Variants in PRDM16 observed in about 807,000 individuals in gnomAD.
PRDM16 encodes the protein histone-lysine N-methyltransferase PRDM16.
Under a neutral mutation model 110.6 loss-of-function variants are expected in PRDM16, and 23 were observed. The observed-to-expected ratio is 0.21, with a 90% CI of 0.15 to 0.29. The LOEUF is 0.29. PRDM16 is among the 10% of genes least tolerant of loss of function. PRDM16 has a pLI of 1.00. For synonymous variants in PRDM16, 799 were observed against 781.8 expected, an observed-to-expected ratio of 1.02 and a Z score of -0.37; for missense variants, 1,615 against 1,794.3, an observed-to-expected ratio of 0.90 and a Z score of 1.81.
At chr1:3,114,673 T>C (rs1569590991) in intron 1 of PRDM16, among the ~76,000 whole-genome samples, 1 of 150,784 alleles carries the variant, frequency 6.6e-6, no homozygotes, top group African/African-American at 2.4e-5. Flanking sequence ...CAAACACACA[T>C]GCACACATGC....
chr1:3,097,422 G>A (rs1259529415), intron 1 of PRDM16, among the ~76,000 whole-genome samples: 1 of 152,240 alleles, frequency 6.6e-6, no homozygotes, highest in African/African-American at 2.4e-5. Flanking sequence ...ACAGTGGCCA[G>A]GCTGCCGCCC....
intron 14 of PRDM16, among the ~76,000 whole-genome samples, chr1:3,428,678 G>T (rs61759213): frequency 6.6e-6 from 1 of 152,194 alleles, no homozygotes; most frequent in Non-Finnish European, 1.5e-5. Context: ...CCTGCCCTCC[G>T]CCATCAGGAA....
chr1:3,289,923 C>A (rs1268635228), intron 3 of PRDM16, among the ~76,000 whole-genome samples: 4 of 151,638 alleles, frequency 2.6e-5, no homozygotes, highest in Admixed American at 2.6e-4. Context: ...GTGCCAGGAT[C>A]TCACTCAATC....
At chr1:3,136,641 C>T (rs1643445342) in intron 1 of PRDM16, among the ~76,000 whole-genome samples, 1 of 152,188 alleles carries the variant, frequency 6.6e-6, no homozygotes. Context: ...CTCTTGCCCT[C>T]AATTCTGGCT....
At chr1:3,399,479 C>T (rs1341004932) in intron 5 of PRDM16, among the ~76,000 whole-genome samples, 1 of 152,168 alleles carries the variant, frequency 6.6e-6, no homozygotes, top group South Asian at 2.1e-4. Context: ...GCCGGGAGAC[C>T]TGTCCATACC....
intron 2 of PRDM16, among the ~76,000 whole-genome samples, chr1:3,217,795 G>A (rs1639064388): frequency 6.6e-6 from 1 of 152,114 alleles, no homozygotes; most frequent in South Asian, 2.1e-4. Context: ...TTCATTTTGG[G>A]CTGGCTGGGA....
At chr1:3,099,998 C>T (rs374881415) in intron 1 of PRDM16, among the ~76,000 whole-genome samples, 4 of 152,096 alleles carry the variant, frequency 2.6e-5, no homozygotes, top group Admixed American at 2.0e-4. Flanking sequence ...CCACTGGGCT[C>T]GGCACCCCTG....
At chr1:3,273,528 C>A (rs1248547749) in intron 3 of PRDM16, among the ~76,000 whole-genome samples, 1 of 151,518 alleles carries the variant, frequency 6.6e-6, no homozygotes. Flanking sequence ...CATGTGTGTA[C>A]GTGGGTGGGT....
At chr1:3,401,417 C>T (rs1417212111) in intron 5 of PRDM16, among the ~76,000 whole-genome samples, 3 of 152,218 alleles carry the variant, frequency 2.0e-5, no homozygotes, top group African/African-American at 2.4e-5. Flanking sequence ...TCCTCGTGCA[C>T]GTGCATACAC....
chr1:3,412,213 C>G lies in PRDM16; in HGVS notation c.2016C>G (p.His672Gln). 2 of 1,606,770 alleles carry G rather than the reference C, an allele frequency of 1.2e-6. No individual in the cohort carries two copies. Among genetic ancestry groups the G allele is most frequent in the Non-Finnish European group, 1.7e-6 (2 of 1,174,964 alleles). Residue 672 changes from histidine (H) to glutamine (Q), a missense_variant, in exon 9 of 17, where the codon CAC becomes CAG. Physicochemically the swap from His to Gln is conservative, Grantham distance 24. Transcript: ENST00000270722. ...VAEVPVFYSQHSFFPPPDEQL... is the reference protein window; with the variant it reads ...VAEVPVFYSQQSFFPPPDEQL... ...AGGTGCCTGTCTTCTATTCCCAGCACTCATTCTTCCCGCCACCCGACGAGC... is the reference window on the plus strand; with the variant it reads ...AGGTGCCTGTCTTCTATTCCCAGCAGTCATTCTTCCCGCCACCCGACGAGC...
intron 4 of PRDM16, among the ~76,000 whole-genome samples, chr1:3,388,331 G>A (rs1052383822): frequency 6.6e-6 from 1 of 151,602 alleles, no homozygotes; most frequent in African/African-American, 2.4e-5. Context: ...TTTCAAGATT[G>A]CACACACACC....
rs779816950 is a variant in PRDM16, at chr1:3,321,436, ATG to A, written c.439-63712_439-63711del. ...TGTATGCATTTGTGTGTGGGTGCAC[ATG>A]TGTTTGTGTTTGTGGGGGGCACATG... On this transcript the variant is annotated intron_variant, in intron 3 of 16. Coordinates refer to ENST00000270722, the MANE Select transcript of PRDM16 (RefSeq NM_022114.4). 3.4e-4 allele frequency among the ~76,000 whole-genome samples: 50 copies of A among 148,222 alleles called. No homozygotes were observed. The South Asian group carries it at 8.2e-3, about 24-fold the overall frequency.
Position 3,405,533 on chromosome 1 carries a change from C to T in PRDM16, c.1071C>T (p.Arg357=), listed in dbSNP as rs2483221. ...CCAGCAACCTTCAGCGGCACATCCGCTCGCAGCACGTGGGCGCTCGGGCCC... is the reference window on the plus strand; with the variant it reads ...CCAGCAACCTTCAGCGGCACATCCGTTCGCAGCACGTGGGCGCTCGGGCCC... The part of the protein sequence containing the change: ...TDPSNLQRHI[R]SQHVGARAHA... Residue 357 remains arginine (R), a synonymous_variant, in exon 8 of 17, where the codon CGC becomes CGT. Transcript: ENST00000270722. 1.7e-3 allele frequency: 2,779 copies of T among 1,603,902 alleles called. 52 individuals are homozygous for T. The African/African-American group carries it at 0.028, about 16-fold the overall frequency.
rs896312353 is a variant in PRDM16, at chr1:3,244,707, C to T, written c.438+570C>T. On this transcript the variant is annotated intron_variant, in intron 3 of 16. Transcript: ENST00000270722. This position sits in a 1 kb window ranked among gnomAD's most constrained non-coding sequence, Gnocchi z 4.1. ...AGGTCTAACAGATCCAGAGGGAGAA[C>T]CATGTGCAGAGAAACACACAGGCCC... 6.6e-6 allele frequency among the ~76,000 whole-genome samples: 1 copy of T among 152,092 alleles called. No homozygotes were observed. The highest frequency in any genetic ancestry group is 1.5e-5 in the Non-Finnish European group (1 of 68,030).
At chr1:3,276,276 C>T (rs1460915500) in intron 3 of PRDM16, among the ~76,000 whole-genome samples, 2 of 152,376 alleles carry the variant, frequency 1.3e-5, no homozygotes, top group African/African-American at 4.8e-5. Context: ...CCGCCATCCT[C>T]GCCAGGCCTG....
chr1:3,168,574 C>T (rs1011130551), intron 1 of PRDM16, among the ~76,000 whole-genome samples: 12 of 150,748 alleles, frequency 8.0e-5, no homozygotes, highest in African/African-American at 2.4e-4. Context: ...CAGCTATTCC[C>T]GCCCCACCCC....
Position 3,339,123 on chromosome 1 carries a change from G to A in PRDM16, c.439-46029G>A, listed in dbSNP as rs1393956545. ...CCCCTCTCTGGCCTCCCCATGTCCC[G>A]CCTTTCCGGGTGCTCAGAGGCATCT... On this transcript the variant is annotated intron_variant, in intron 3 of 16. Coordinates refer to ENST00000270722, the MANE Select transcript of PRDM16 (RefSeq NM_022114.4). This position sits in a 1 kb window ranked among gnomAD's most constrained non-coding sequence, Gnocchi z 5.0. 6.6e-6 allele frequency among the ~76,000 whole-genome samples: 1 copy of A among 152,100 alleles called. No individual in the cohort carries two copies. Among genetic ancestry groups the A allele is most frequent in the Non-Finnish European group, 1.5e-5 (1 of 68,004 alleles).
intron 3 of PRDM16, among the ~76,000 whole-genome samples, chr1:3,287,280 C>T (rs1392017583): frequency 1.6e-4 from 24 of 147,586 alleles, no homozygotes; most frequent in African/African-American, 5.9e-4. Flanking sequence ...CCCCGCCACG[C>T]GGGCATCCAG....
intron 4 of PRDM16, among the ~76,000 whole-genome samples, chr1:3,388,980 C>T (rs1370099930): frequency 6.6e-6 from 1 of 152,212 alleles, no homozygotes; most frequent in African/African-American, 2.4e-5. Flanking sequence ...CTGAGCTGGG[C>T]AGTGCAGCAC....
Sources: gnomAD v4.1 joint callset for allele counts (sites outside exome capture counted in the v4.1 genomes callset) on GRCh38, gnomAD v4.1.1 for gene constraint, Gnocchi (gnomAD v3.1) non-coding constraint, MANE v1.5 for transcripts, NCBI Gene and HGNC (gene_info 2026-07-23, HGNC 2026-07-21) for gene names.